DNM3: variants seen among roughly 807,000 people sequenced by gnomAD.
DNM3 encodes dynamin 3.
DNM3 carries 47 observed loss-of-function variants against 101.6 expected under a neutral mutation model. The observed-to-expected ratio is 0.46, with a 90% CI of 0.37 to 0.59. The LOEUF (loss-of-function observed/expected upper bound fraction) is 0.59. Among genes scored for constraint, DNM3 ranks in the 20% least tolerant of loss-of-function variants. The pLI is 0.00. For synonymous variants in DNM3, 385 were observed against 387.9 expected (o/e 0.99, Z 0.09); for missense variants, 849 against 1,085.7 (o/e 0.78, Z 3.06).
chr1:172,063,190 T>C (rs2051381396), intron 10 of DNM3, among the ~76,000 whole-genome samples: 1 of 152,182 alleles, frequency 6.6e-6, no homozygotes, highest in Admixed American at 6.5e-5. Context: ...ACCTAATAAC[T>C]CCAGTCTTTG....
At chr1:172,315,063 C>A (rs1472969335) in intron 16 of DNM3, among the ~76,000 whole-genome samples, 1 of 152,208 alleles carries the variant, frequency 6.6e-6, no homozygotes, top group Non-Finnish European at 1.5e-5. Flanking sequence ...AACAATCAGA[C>A]AGCAGCATTC....
At chr1:171,926,179 A>G (rs1367937726) in intron 2 of DNM3, among the ~76,000 whole-genome samples, 1 of 151,946 alleles carries the variant, frequency 6.6e-6, no homozygotes, top group Non-Finnish European at 1.5e-5. Flanking sequence ...TTTGCTTAGG[A>G]TTGCTTTGGC....
intron 10 of DNM3, among the ~76,000 whole-genome samples, chr1:172,057,148 A>G (rs1166445590): frequency 2.6e-5 from 4 of 152,144 alleles, no homozygotes; most frequent in African/African-American, 7.2e-5. Flanking sequence ...TAGAGAAAAA[A>G]GAATAAAAAG....
At chr1:171,868,416 C>T (rs2125073080) in intron 1 of DNM3, among the ~76,000 whole-genome samples, 1 of 152,208 alleles carries the variant, frequency 6.6e-6, no homozygotes, top group South Asian at 2.1e-4. Context: ...TACTTGGTAC[C>T]CAGCCAAGTG....
chr1:172,403,726 G>A (rs1451598618), intron 20 of DNM3, among the ~76,000 whole-genome samples: 2 of 151,944 alleles, frequency 1.3e-5, no homozygotes, highest in African/African-American at 2.4e-5. Flanking sequence ...ACCATAAACC[G>A]CCCACATACA....
chr1:172,345,736 C>A (rs938130014), intron 17 of DNM3, among the ~76,000 whole-genome samples: 6 of 152,140 alleles, frequency 3.9e-5, no homozygotes, highest in African/African-American at 1.4e-4. Context: ...ATGAAATAGT[C>A]CCTGTTCCCA....
intron 14 of DNM3, among the ~76,000 whole-genome samples, chr1:172,196,580 C>G (rs886734667): frequency 3.3e-5 from 5 of 151,942 alleles, no homozygotes; most frequent in Admixed American, 1.3e-4. Context: ...TTATTTTTGA[C>G]TTTTTAATAA....
intron 4 of DNM3, among the ~76,000 whole-genome samples, chr1:172,010,505 A>G (rs982966433): frequency 2.6e-5 from 4 of 151,006 alleles, no homozygotes; most frequent in African/African-American, 9.7e-5. Context: ...AGCACTTTAA[A>G]TATGTCTTCT....
intron 10 of DNM3, among the ~76,000 whole-genome samples, chr1:172,057,065 G>A (rs868754548): frequency 2.0e-5 from 3 of 152,058 alleles, no homozygotes; most frequent in Admixed American, 6.5e-5. Context: ...CTCAGGAGCC[G>A]ATGTGATCAA....
At chr1:172,407,207 T>G (rs897326348) in intron 20 of DNM3, among the ~76,000 whole-genome samples, 3 of 57,822 alleles carry the variant, frequency 5.2e-5, no homozygotes, top group African/African-American at 8.4e-5. Context: ...TCCTGCAATT[T>G]AAACAGGCAC....
chr1:171,934,046 A>G (rs2041229875), intron 2 of DNM3, among the ~76,000 whole-genome samples: 1 of 152,220 alleles, frequency 6.6e-6, no homozygotes, highest in African/African-American at 2.4e-5. Flanking sequence ...ATTCCTCTTC[A>G]AAGTTTTATT....
intron 15 of DNM3, among the ~76,000 whole-genome samples, chr1:172,283,922 G>T (rs1283502382): frequency 2.0e-5 from 3 of 152,040 alleles, no homozygotes; most frequent in Non-Finnish European, 4.4e-5. Context: ...TTTTATAAAA[G>T]GTTGCCTTTG....
At chr1:172,021,006 C>T (rs2047814773) in intron 4 of DNM3, among the ~76,000 whole-genome samples, 1 of 152,172 alleles carries the variant, frequency 6.6e-6, no homozygotes, top group Non-Finnish European at 1.5e-5. Flanking sequence ...TCTATATTCA[C>T]CTGTCTCTCC....
chr1:172,242,202 C>T (rs1410867986), intron 14 of DNM3, among the ~76,000 whole-genome samples: 2 of 152,132 alleles, frequency 1.3e-5, no homozygotes, highest in East Asian at 3.9e-4. Flanking sequence ...GGAAGCCCAT[C>T]TGGCTGCTGG....
intron 14 of DNM3, among the ~76,000 whole-genome samples, chr1:172,222,016 C>A (rs549884156): frequency 3.3e-5 from 5 of 151,874 alleles, no homozygotes; most frequent in Non-Finnish European, 5.9e-5. Flanking sequence ...AGACTCATTG[C>A]GAGTATATTA....
At chr1:172,087,004 C>A (rs1401246828) in intron 12 of DNM3, among the ~76,000 whole-genome samples, 1 of 152,124 alleles carries the variant, frequency 6.6e-6, no homozygotes, top group Non-Finnish European at 1.5e-5. Context: ...TGGCCTTAGT[C>A]TGTGTTCCAT....
At chr1:172,259,218 T>C (rs2062544797) in intron 15 of DNM3, among the ~76,000 whole-genome samples, 1 of 152,132 alleles carries the variant, frequency 6.6e-6, no homozygotes, top group Non-Finnish European at 1.5e-5. Flanking sequence ...TAATGTTTAT[T>C]CTTTAGCTGT....
At chr1:172,342,201 G>A (rs550743393) in intron 17 of DNM3, among the ~76,000 whole-genome samples, 24 of 152,100 alleles carry the variant, frequency 1.6e-4, no homozygotes, top group Admixed American at 3.3e-4. Flanking sequence ...GCAGTGTGGC[G>A]TTTCCTCAAA....
chr1:172,065,828 G>C (rs1354268465), intron 10 of DNM3, among the ~76,000 whole-genome samples: 1 of 152,146 alleles, frequency 6.6e-6, no homozygotes, highest in Admixed American at 6.5e-5. Flanking sequence ...ATAAATAAAA[G>C]TGTGCATAAT....
Sources: allele counts gnomAD v4.1 joint callset (sites outside exome capture counted in the v4.1 genomes callset), GRCh38; gene constraint gnomAD v4.1.1; transcripts MANE v1.5; gene names NCBI Gene and HGNC (gene_info 2026-07-23, HGNC 2026-07-21).